The following EPHA6 variants were observed in gnomAD, a reference collection of about 807,000 sequenced individuals.
EPHA6 encodes ephrin type-A receptor 6.
In EPHA6, 50 loss-of-function variants were observed where a neutral mutation model predicts 112.0. The observed-to-expected ratio is 0.45, with a 90% confidence interval of 0.36 to 0.56. The LOEUF (loss-of-function observed/expected upper bound fraction) is 0.56. EPHA6 is among the 20% of genes least tolerant of loss of function. EPHA6 has a pLI of 0.00. For synonymous variants in EPHA6, 529 were observed against 490.7 expected, an observed-to-expected ratio of 1.08 and a Z score of -1.03; for missense variants, 1,280 against 1,417.4, an observed-to-expected ratio of 0.90 and a Z score of 1.56.
At chr3:97,310,521 C>T (rs1386228778) in intron 5 of EPHA6, among the ~76,000 whole-genome samples, 1 of 150,568 alleles carries the variant, frequency 6.6e-6, no homozygotes, top group African/African-American at 2.5e-5. Flanking sequence ...TCATTATTGC[C>T]CTCAAAATTG....
chr3:97,629,642 A>C (rs2093887119), intron 13 of EPHA6, among the ~76,000 whole-genome samples: 1 of 152,002 alleles, frequency 6.6e-6, no homozygotes, highest in South Asian at 2.1e-4. Context: ...ATTTTTCCTG[A>C]ACTCCTCTAT....
chr3:96,841,114 G>A (rs1470891761), intron 1 of EPHA6, among the ~76,000 whole-genome samples: 1 of 152,086 alleles, frequency 6.6e-6, no homozygotes, highest in Non-Finnish European at 1.5e-5. Context: ...ATCAATATGT[G>A]TAAGATGTAC....
At chr3:96,837,828 A>C (rs2034508858) in intron 1 of EPHA6, among the ~76,000 whole-genome samples, 1 of 152,110 alleles carries the variant, frequency 6.6e-6, no homozygotes, top group African/African-American at 2.4e-5. Context: ...ATAATCTTTC[A>C]AGTTTTTTTT....
At chr3:97,079,564 T>C (rs577470572) in intron 3 of EPHA6, among the ~76,000 whole-genome samples, 26 of 151,094 alleles carry the variant, frequency 1.7e-4, no homozygotes, top group African/African-American at 5.6e-4. Flanking sequence ...AGTTTACCTG[T>C]TTAACAATCG....
intron 4 of EPHA6, among the ~76,000 whole-genome samples, chr3:97,235,461 G>T (rs930096402): frequency 6.6e-6 from 1 of 151,998 alleles, no homozygotes; most frequent in Non-Finnish European, 1.5e-5. Flanking sequence ...TAGCCTTTCA[G>T]TTCTACTTTT....
intron 5 of EPHA6, among the ~76,000 whole-genome samples, chr3:97,372,852 G>A (rs2085139182): frequency 6.6e-6 from 1 of 152,048 alleles, no homozygotes; most frequent in Non-Finnish European, 1.5e-5. Context: ...CAGGTAAATG[G>A]TTAATTTGGG....
chr3:97,624,193 A>C (rs1426786583), intron 13 of EPHA6, among the ~76,000 whole-genome samples: 2 of 151,644 alleles, frequency 1.3e-5, no homozygotes, highest in African/African-American at 2.4e-5. Context: ...TATAGCTTTT[A>C]TTATGTCAAA....
At chr3:96,940,943 T>C (rs909506749) in intron 2 of EPHA6, among the ~76,000 whole-genome samples, 3 of 152,242 alleles carry the variant, frequency 2.0e-5, no homozygotes, top group African/African-American at 7.2e-5. Context: ...CTCTTCTGGC[T>C]TGTAGAGTTT....
chr3:96,863,076 C>T (rs891820596), intron 1 of EPHA6, among the ~76,000 whole-genome samples: 1 of 151,880 alleles, frequency 6.6e-6, no homozygotes, highest in Non-Finnish European at 1.5e-5. Context: ...TTATTGCCCC[C>T]AGGCTATTTT....
intron 2 of EPHA6, among the ~76,000 whole-genome samples, chr3:96,869,900 T>C (rs1275213905): frequency 1.3e-5 from 2 of 152,074 alleles, no homozygotes; most frequent in African/African-American, 4.8e-5. Flanking sequence ...TTTGTGTTTC[T>C]CTAATACTGA....
intron 11 of EPHA6, among the ~76,000 whole-genome samples, chr3:97,543,391 G>A (rs1166983041): frequency 6.6e-6 from 1 of 152,162 alleles, no homozygotes; most frequent in Non-Finnish European, 1.5e-5. Context: ...GTTTGTCAAA[G>A]ATCAGATAGC....
chr3:97,161,992 A>G (rs2076426950), intron 3 of EPHA6, among the ~76,000 whole-genome samples: 1 of 152,148 alleles, frequency 6.6e-6, no homozygotes, highest in Non-Finnish European at 1.5e-5. Context: ...GCCCTTATTG[A>G]TAGGGATTTA....
chr3:97,371,803 G>T (rs941983170), intron 5 of EPHA6, among the ~76,000 whole-genome samples: 2 of 152,046 alleles, frequency 1.3e-5, no homozygotes, highest in African/African-American at 4.8e-5. Context: ...GCATGCCTAG[G>T]GGTAGGCCTC....
intron 3 of EPHA6, among the ~76,000 whole-genome samples, chr3:97,043,765 A>G (rs936435887): frequency 2.0e-5 from 3 of 152,138 alleles, no homozygotes; most frequent in Non-Finnish European, 2.9e-5. Flanking sequence ...ATCTATAGAG[A>G]TGTTTCCCAG....
At chr3:97,656,077 A>G (rs140582011) in intron 14 of EPHA6, among the ~76,000 whole-genome samples, 102 of 151,926 alleles carry the variant, frequency 6.7e-4, no homozygotes, top group African/African-American at 2.4e-3. Flanking sequence ...TTGTACTTTT[A>G]TGGTAAAGGA....
intron 12 of EPHA6, among the ~76,000 whole-genome samples, chr3:97,604,212 T>G (rs1275700549): frequency 6.6e-6 from 1 of 151,492 alleles, no homozygotes; most frequent in African/African-American, 2.4e-5. Context: ...AGACAGTGAG[T>G]TGAAAAGTGA....
chr3:97,497,940 A>G (rs2092022381), intron 10 of EPHA6, among the ~76,000 whole-genome samples: 1 of 152,090 alleles, frequency 6.6e-6, no homozygotes. Context: ...ATAAACCCAT[A>G]AGAATTCAGG....
At chr3:97,494,867 C>T (rs931135727) in intron 10 of EPHA6, among the ~76,000 whole-genome samples, 7 of 152,142 alleles carry the variant, frequency 4.6e-5, no homozygotes, top group African/African-American at 1.7e-4. Flanking sequence ...CTTTGTTCAG[C>T]CTAAATTGTC....
intron 3 of EPHA6, among the ~76,000 whole-genome samples, chr3:96,992,392 C>T (rs1054156780): frequency 6.6e-6 from 1 of 152,116 alleles, no homozygotes; most frequent in Non-Finnish European, 1.5e-5. Context: ...ACAGTTTCTA[C>T]AATCTGGAAA....
Sources: gnomAD v4.1 joint callset for allele counts (sites outside exome capture counted in the v4.1 genomes callset) on GRCh38, gnomAD v4.1.1 for gene constraint, MANE v1.5 for transcripts, NCBI Gene and HGNC (gene_info 2026-07-23, HGNC 2026-07-21) for gene names.